Variants in TRIQK observed in about 807,000 individuals in gnomAD.
TRIQK encodes the protein triple QxxK/R motif containing.
In TRIQK, 10 loss-of-function variants were observed where a neutral mutation model predicts 10.8. That is an observed-to-expected ratio of 0.92 (90% CI 0.57 to 1.57). The LOEUF (loss-of-function observed/expected upper bound fraction) is 1.57, where lower values mean the gene tolerates loss of function less well. Among genes scored for constraint, TRIQK ranks in the 40% most tolerant of loss-of-function variants. The probability of loss-of-function intolerance (pLI) is 0.00; values close to 1 mark genes in which losing one functional copy is unlikely to be tolerated. For missense variants in TRIQK, 107 were observed against 97.7 expected, an observed-to-expected ratio of 1.09 and a Z score of -0.40; for synonymous variants, 33 against 33.7, an observed-to-expected ratio of 0.98 and a Z score of 0.07.
chr8:92,906,825 G>A (rs192044315), intron 3 of TRIQK, among the ~76,000 whole-genome samples: 4 of 151,798 alleles, frequency 2.6e-5, no homozygotes, highest in Admixed American at 6.6e-5. Flanking sequence ...CCTGGGAGGC[G>A]GAGTTTGCAG....
intron 3 of TRIQK, among the ~76,000 whole-genome samples, chr8:92,913,153 C>T (rs1425356771): frequency 2.0e-5 from 3 of 152,058 alleles, no homozygotes; most frequent in Non-Finnish European, 4.4e-5. Flanking sequence ...TGGTTCAACA[C>T]ATGAAAATCA....
upstream of TRIQK, among the ~76,000 whole-genome samples, chr8:92,971,017 T>C (rs1812869716): frequency 2.0e-5 from 3 of 152,178 alleles, no homozygotes; most frequent in Non-Finnish European, 4.4e-5. Context: ...TACATATGGC[T>C]AGTCAGTTTT....
intron 1 of TRIQK, chr8:92,973,163 A>G (rs1340447181): frequency 6.6e-6 from 1 of 152,240 alleles, no homozygotes; most frequent in Non-Finnish European, 1.5e-5. Context: ...CATATCAAGA[A>G]ATGAAATAAG....
chr8:93,007,514 T>C (rs1312726562), intron 1 of TRIQK, among the ~76,000 whole-genome samples: 2 of 152,156 alleles, frequency 1.3e-5, no homozygotes, highest in African/African-American at 2.4e-5. Flanking sequence ...GGCACAGAAC[T>C]GGGCCGAGGC....
chr8:92,957,628 T>C (rs1252069837), intron 1 of TRIQK, among the ~76,000 whole-genome samples: 1 of 151,978 alleles, frequency 6.6e-6, no homozygotes, highest in East Asian at 1.9e-4. Flanking sequence ...TATATTCAAG[T>C]GGTCTATAAC....
intron 1 of TRIQK, among the ~76,000 whole-genome samples, chr8:92,999,186 A>C (rs1813183495): frequency 1.3e-5 from 2 of 152,186 alleles, no homozygotes; most frequent in Non-Finnish European, 2.9e-5. Context: ...TAAAGTGTTT[A>C]CTTGCCCTTG....
At chr8:92,901,046 A>G (rs1250217378) in intron 3 of TRIQK, among the ~76,000 whole-genome samples, 1 of 151,724 alleles carries the variant, frequency 6.6e-6, no homozygotes, top group Non-Finnish European at 1.5e-5. Flanking sequence ...ACTCTTTGCT[A>G]TTGTCATATG....
chr8:92,988,000 C>CTTTTTTTTTT (rs549776227), intron 1 of TRIQK, among the ~76,000 whole-genome samples: 4 of 57,588 alleles, frequency 6.9e-5, no homozygotes, highest in East Asian at 5.9e-4. Context: ...TTTATACTTT[C>CTTTTTTTTTT]TTTTTTTTTT....
intron 2 of TRIQK, among the ~76,000 whole-genome samples, chr8:92,930,390 C>CAAAAAAAAAAAAA (rs66513185): frequency 6.4e-5 from 3 of 47,140 alleles, no homozygotes; most frequent in Non-Finnish European, 7.2e-5. Context: ...ACTAGGTCTC[C>CAAAAAAAAAAAAA]AAAAAAAAAA....
At chr8:93,000,258 T>G (rs1051675907) in intron 1 of TRIQK, among the ~76,000 whole-genome samples, 4 of 152,204 alleles carry the variant, frequency 2.6e-5, no homozygotes, top group African/African-American at 7.2e-5. Context: ...TCCATTTTTA[T>G]ACTGCTGTGA....
chr8:92,995,194 G>A (rs1340138541), intron 1 of TRIQK, among the ~76,000 whole-genome samples: 3 of 151,874 alleles, frequency 2.0e-5, no homozygotes, highest in African/African-American at 4.8e-5. Flanking sequence ...TCTTTGCTAG[G>A]TATAGAATTT....
At chr8:92,899,833 T>G (rs1808824900) in intron 3 of TRIQK, among the ~76,000 whole-genome samples, 1 of 152,184 alleles carries the variant, frequency 6.6e-6, no homozygotes. Context: ...TCCAAACCGT[T>G]TTCAATAGTG....
At chr8:92,956,663 T>A (rs914681977) in intron 1 of TRIQK, among the ~76,000 whole-genome samples, 5 of 151,836 alleles carry the variant, frequency 3.3e-5, no homozygotes, top group African/African-American at 1.2e-4. Flanking sequence ...GTAATAAACC[T>A]CATCTACCAT....
intron 2 of TRIQK, among the ~76,000 whole-genome samples, chr8:92,935,653 T>C (rs985245749): frequency 6.6e-6 from 1 of 151,210 alleles, no homozygotes; most frequent in Non-Finnish European, 1.5e-5. Flanking sequence ...ATGATCAACA[T>C]AGACAAAAAC....
At chr8:92,971,368 G>A (rs565191835) in intron 1 of TRIQK, among the ~76,000 whole-genome samples, 1 of 152,226 alleles carries the variant, frequency 6.6e-6, no homozygotes, top group Admixed American at 6.5e-5. Context: ...TCTGTTTGCA[G>A]ATGACATGAT....
At chr8:92,991,318 G>C (rs1466130121) in intron 1 of TRIQK, among the ~76,000 whole-genome samples, 1 of 152,162 alleles carries the variant, frequency 6.6e-6, no homozygotes, top group Admixed American at 6.5e-5. Context: ...GGGTGGCTGT[G>C]AGAGCAACTT....
At chr8:92,976,140 A>G (rs1812930240) in intron 1 of TRIQK, among the ~76,000 whole-genome samples, 2 of 151,968 alleles carry the variant, frequency 1.3e-5, no homozygotes, top group African/African-American at 2.4e-5. Flanking sequence ...CTTTACTTCA[A>G]TAGCATTCTA....
chr8:92,954,929 T>C (rs1296339790), intron 1 of TRIQK, among the ~76,000 whole-genome samples: 1 of 151,894 alleles, frequency 6.6e-6, no homozygotes, highest in Admixed American at 6.6e-5. Context: ...GATATAAAAT[T>C]ATTTTCTGTT....
At chr8:93,008,945 C>G (rs1813301471) in intron 1 of TRIQK, among the ~76,000 whole-genome samples, 3 of 152,026 alleles carry the variant, frequency 2.0e-5, no homozygotes, top group African/African-American at 2.4e-5. Flanking sequence ...AATAAACAGG[C>G]AACAAAAGCA....
Sources: gnomAD v4.1 joint callset for allele counts (sites outside exome capture counted in the v4.1 genomes callset) on GRCh38, gnomAD v4.1.1 for gene constraint, MANE v1.5 for transcripts, NCBI Gene and HGNC (gene_info 2026-07-23, HGNC 2026-07-21) for gene names.